Variants in DLGAP3 observed in about 807,000 individuals in gnomAD.
The protein encoded by DLGAP3 is disks large-associated protein 3.
A neutral mutation model predicts 81.2 loss-of-function variants in DLGAP3; 17 were observed. The ratio of observed to expected loss-of-function variants is 0.21; its 90% CI spans 0.14 to 0.31. DLGAP3 has a LOEUF of 0.31. DLGAP3 is among the 10% of genes least tolerant of loss of function. DLGAP3 has a pLI of 1.00. For synonymous variants in DLGAP3, 577 were observed against 587.4 expected, an observed-to-expected ratio of 0.98 and a Z score of 0.26; for missense variants, 1,124 against 1,388.0, an observed-to-expected ratio of 0.81 and a Z score of 3.02.
In DLGAP3 at chr1:34,905,276, G is replaced by T. The variant is rs769133430; in HGVS notation, c.108C>A (p.Gly36=). ...GCTCGGTGGAGAAGGCCTCCCTGGA[G>T]CCCAGCAGGTATGGGGCCCTGGCAG... ...GPAARAPYLL[G]SREAFSTEPR... is the part of the protein sequence containing the mutation. The change falls in exon 3 of 12, where the codon GGC becomes GGA. Residue 36 remains glycine, a synonymous_variant. Transcript: ENST00000373347. The T allele has an allele frequency of 6.8e-7, 1 of 1,471,682 alleles. No homozygotes were observed. Among genetic ancestry groups the T allele is most frequent in the Non-Finnish European group, 9.1e-7 (1 of 1,096,076 alleles). The allele number at this position is 1,471,682 out of a possible 1,614,324, so 91.2% of individuals were successfully genotyped here. A position where few individuals can be genotyped will look rare whatever the true frequency, so the allele number is the denominator to read the frequency against.
rs890363316 is a variant in DLGAP3, at chr1:34,902,410, G to A, written c.1107+1867C>T. 6.6e-6 allele frequency among the ~76,000 whole-genome samples: 1 copy of A among 152,152 alleles called. No individual in the cohort carries two copies. Among genetic ancestry groups the A allele is most frequent in the African/African-American group, 2.4e-5 (1 of 41,434 alleles). On this transcript the variant is annotated intron_variant, in intron 3 of 11. Transcript: ENST00000373347. The surrounding 1 kb of genome is among the most constrained non-coding windows in gnomAD (Gnocchi z 4.4). ...GGCTCCATAAAGAAACAGGGGCTCA[G>A]AGTGGACAGAGGGATCCTGGAAAAG...
chr1:34,913,736 T>C (rs1304828324), intron 1 of DLGAP3, among the ~76,000 whole-genome samples: 1 of 152,126 alleles, frequency 6.6e-6, no homozygotes, highest in Non-Finnish European at 1.5e-5. Flanking sequence ...AATGAATGTT[T>C]TCCCTTGCTG....
chr1:34,869,093 G>A lies in DLGAP3; in HGVS notation c.2001-4C>T. Reference sequence around the variant, plus strand: ...GGAGCGCTTGAACCTTGCTCGCCTGGGGAGAGGGGTGGCTGTCATCCCCCA... The same window carrying A: ...GGAGCGCTTGAACCTTGCTCGCCTGAGGAGAGGGGTGGCTGTCATCCCCCA... On this transcript the variant is annotated splice_polypyrimidine_tract_variant and splice_region_variant and intron_variant, in intron 8 of 11. Transcript: ENST00000373347. 1 of 1,583,316 alleles carries A rather than the reference G, an allele frequency of 6.3e-7. No individual in the cohort carries two copies. The highest frequency in any genetic ancestry group is 1.3e-5 in the African/African-American group (1 of 74,798).
intron 7 of DLGAP3, 151 bp downstream of exon 7, chr1:34,885,327 C>T: frequency 3.3e-6 from 3 of 897,866 alleles, no homozygotes; most frequent in South Asian, 3.1e-5. Context: ...CTGGCTGGAG[C>T]AGCCCCGTCG....
chr1:34,920,894 T>C (rs1358303201), intron 1 of DLGAP3, among the ~76,000 whole-genome samples: 4 of 152,150 alleles, frequency 2.6e-5, no homozygotes, highest in Non-Finnish European at 4.4e-5. Context: ...TGGTGGCAAG[T>C]ACTGAGATAA....
rs1639424461 is a variant in DLGAP3, at chr1:34,899,627, C to A, written c.1386+42G>T. On this transcript the variant is annotated intron_variant, in intron 5 of 11. Transcript: ENST00000373347. ...CTAAGCTGAGCATGGGACTGAATCC[C>A]TTTTTCACTCTTTCCTCCAGGCATA... 9 of 1,528,718 alleles carry A rather than the reference C, an allele frequency of 5.9e-6. No homozygotes were observed. In the East Asian group the frequency reaches 2.0e-4, roughly 34 times the overall value. The allele number at this position is 1,528,718 out of a possible 1,614,324, so 94.7% of individuals were successfully genotyped here.
At chr1:34,871,677 A>G (rs1231923718) in intron 8 of DLGAP3, among the ~76,000 whole-genome samples, 1 of 152,178 alleles carries the variant, frequency 6.6e-6, no homozygotes, top group African/African-American at 2.4e-5. Flanking sequence ...GATCTGCCAC[A>G]CCTGCGTGCT....
chr1:34,925,213 A>G (rs1444270397), intron 1 of DLGAP3, among the ~76,000 whole-genome samples: 3 of 150,412 alleles, frequency 2.0e-5, no homozygotes, highest in Non-Finnish European at 1.5e-5. Context: ...CTATGTCCCA[A>G]GAGAGAAAAG....
Position 34,868,469 on chromosome 1 carries a change from A to G in DLGAP3, c.2485+136T>C, listed in dbSNP as rs531399462. 212 of 747,094 alleles carry G rather than the reference A, an allele frequency of 2.8e-4. 4 individuals carry two copies. In the South Asian group the frequency reaches 3.0e-3, roughly 11 times the overall value. 46.3% of individuals were successfully genotyped at this position (747,094 alleles called of 1,614,324 possible). On this transcript the variant is annotated intron_variant, in intron 9 of 11. Transcript: ENST00000373347. This position sits in a 1 kb window ranked among gnomAD's most constrained non-coding sequence, Gnocchi z 7.5. The stretch of plus-strand genomic sequence containing the variant: ...TGCCGATGTTGACCCGCCACGCTCC[A>G]GTGCAGAAGACCAGTGAGGCACCAA...
intron 1 of DLGAP3, among the ~76,000 whole-genome samples, chr1:34,928,795 C>T (rs1394639353): frequency 6.6e-6 from 1 of 151,966 alleles, no homozygotes; most frequent in East Asian, 1.9e-4. Context: ...GACAGTCACG[C>T]CGGCACACAC....
intron 5 of DLGAP3, among the ~76,000 whole-genome samples, chr1:34,896,585 T>TCACACACACACACACACACACACA (rs10593156): frequency 4.1e-5 from 6 of 146,798 alleles, no homozygotes; most frequent in Admixed American, 4.0e-4. Flanking sequence ...CCAGACTCCA[T>TCACACACACACACACACACACACA]CACACACACA....
intron 5 of DLGAP3, 106 bp downstream of exon 5, chr1:34,899,563 C>T: frequency 9.7e-7 from 1 of 1,034,128 alleles, no homozygotes; most frequent in Non-Finnish European, 1.5e-6. Context: ...AGAGCCAGGC[C>T]TGAGCTCTCT....
intron 3 of DLGAP3, among the ~76,000 whole-genome samples, chr1:34,901,717 A>G (rs906946194): frequency 3.3e-5 from 5 of 152,212 alleles, no homozygotes; most frequent in Non-Finnish European, 5.9e-5. Context: ...GGCCACTGCC[A>G]GGACATGTCA....
chr1:34,892,205 A>G (rs1459043696), intron 5 of DLGAP3, among the ~76,000 whole-genome samples: 1 of 152,242 alleles, frequency 6.6e-6, no homozygotes, highest in East Asian at 1.9e-4. Context: ...CTGGAGCTGA[A>G]GAGTAGGGTA....
chr1:34,872,246 C>T (rs556816526), intron 8 of DLGAP3, among the ~76,000 whole-genome samples: 3 of 152,178 alleles, frequency 2.0e-5, no homozygotes, highest in East Asian at 1.9e-4. Flanking sequence ...AAAACGCAGC[C>T]GGTTAAGAAT....
chr1:34,900,572 C>T lies in DLGAP3; in HGVS notation c.1108-299G>A, dbSNP rs1472301885. Among the ~76,000 whole-genome samples, 1 of 152,252 alleles carries T rather than the reference C, an allele frequency of 6.6e-6. No individual in the cohort carries two copies. Among genetic ancestry groups the T allele is most frequent in the Non-Finnish European group, 1.5e-5 (1 of 68,046 alleles). On this transcript the variant is annotated intron_variant, in intron 3 of 11. Transcript: ENST00000373347. The surrounding 1 kb of genome is among the most constrained non-coding windows in gnomAD (Gnocchi z 5.6). ...AGGCCAAAGTGACCTGTGTCAATCC[C>T]ATGCCCAGCAGTCAGGCATCACCTG...
At chr1:34,891,710 C>T (rs538803073) in intron 5 of DLGAP3, among the ~76,000 whole-genome samples, 1 of 152,352 alleles carries the variant, frequency 6.6e-6, no homozygotes, top group South Asian at 2.1e-4. Context: ...CAAAGTCTAA[C>T]TAGCTTGAGG....
chr1:34,926,228 C>G (rs1462527492), intron 1 of DLGAP3, among the ~76,000 whole-genome samples: 1 of 152,202 alleles, frequency 6.6e-6, no homozygotes, highest in Non-Finnish European at 1.5e-5. Flanking sequence ...CTCCCTTATT[C>G]CCAGACCCCT....
intron 1 of DLGAP3, among the ~76,000 whole-genome samples, chr1:34,927,289 A>G (rs12038040): frequency 0.039 from 6,006 of 152,298 alleles, 270 homozygotes; most frequent in East Asian, 0.26. Flanking sequence ...AGAAGGCAAC[A>G]TGGAGGATTG....
Sources: gnomAD v4.1 joint callset for allele counts (sites outside exome capture counted in the v4.1 genomes callset) on GRCh38, gnomAD v4.1.1 for gene constraint, Gnocchi (gnomAD v3.1) non-coding constraint, MANE v1.5 for transcripts, NCBI Gene and HGNC (gene_info 2026-07-23, HGNC 2026-07-21) for gene names.